GABPB1: variants seen among roughly 807,000 people sequenced by gnomAD.
The protein encoded by GABPB1 is GA binding protein transcription factor subunit beta 1, also known as GA-binding protein subunit beta-1.
Under a neutral mutation model 45.9 loss-of-function variants are expected in GABPB1, and 15 were observed. That is an observed-to-expected ratio of 0.33 (90% CI 0.22 to 0.50). GABPB1 has a LOEUF of 0.50. GABPB1 is among the 20% of genes least tolerant of loss of function. GABPB1 has a pLI of 0.98. For missense variants in GABPB1, 252 were observed against 457.5 expected, an observed-to-expected ratio of 0.55 and a Z score of 4.10; for synonymous variants, 143 against 154.4, an observed-to-expected ratio of 0.93 and a Z score of 0.55.
At chr15:50,287,863 C>T (rs1188756083) in intron 7 of GABPB1, among the ~76,000 whole-genome samples, 1 of 152,178 alleles carries the variant, frequency 6.6e-6, no homozygotes, top group East Asian at 1.9e-4. Flanking sequence ...GGCCTCCAGG[C>T]TTCAGAGGTC....
intron 7 of GABPB1, 112 bp downstream of exon 7, chr15:50,289,371 T>C (rs2046269658): frequency 2.9e-6 from 2 of 697,920 alleles, no homozygotes; most frequent in Admixed American, 3.3e-5. Flanking sequence ...ATACCACAAT[T>C]TCCTGAGAAT....
intron 1 of GABPB1, among the ~76,000 whole-genome samples, chr15:50,320,107 G>A (rs1007028395): frequency 6.6e-6 from 1 of 152,106 alleles, no homozygotes; most frequent in Admixed American, 6.6e-5. Flanking sequence ...ACACAAAAAG[G>A]GGATCATACT....
At chr15:50,283,283 G>A (rs1416391535) in intron 8 of GABPB1, among the ~76,000 whole-genome samples, 5 of 151,768 alleles carry the variant, frequency 3.3e-5, no homozygotes, top group African/African-American at 1.2e-4. Context: ...TATCTTCAAT[G>A]CGGTAATAAA....
chr15:50,279,296 T>C (rs2045904014), intron 8 of GABPB1, among the ~76,000 whole-genome samples: 1 of 152,160 alleles, frequency 6.6e-6, no homozygotes, highest in Non-Finnish European at 1.5e-5. Context: ...ATGATGTAGC[T>C]CTCCCAAGGT....
At chr15:50,293,010 T>C (rs139932079) in intron 6 of GABPB1, among the ~76,000 whole-genome samples, 6 of 152,118 alleles carry the variant, frequency 3.9e-5, no homozygotes, top group Admixed American at 3.9e-4. Context: ...AAATTATAAC[T>C]AGTTCAAAAA....
intron 1 of GABPB1, chr15:50,349,622 G>A (rs1384968282): frequency 1.3e-5 from 2 of 152,140 alleles, no homozygotes; most frequent in Admixed American, 6.5e-5. Context: ...TGGTAGGAGT[G>A]ATATGTTTCT....
intron 1 of GABPB1, among the ~76,000 whole-genome samples, chr15:50,339,361 T>C (rs1051743187): frequency 6.6e-6 from 1 of 151,838 alleles, no homozygotes; most frequent in East Asian, 1.9e-4. Flanking sequence ...TAACCAGGTA[T>C]GGTGGAAGGC....
chr15:50,301,691 G>A (rs1186115589), intron 4 of GABPB1, among the ~76,000 whole-genome samples: 1 of 152,184 alleles, frequency 6.6e-6, no homozygotes, highest in African/African-American at 2.4e-5. Flanking sequence ...TATTCAGGGG[G>A]CTGAGGCAGA....
Position 50,276,186 on chromosome 15 carries a change from A to G in GABPB1, c.*2446T>C, listed in dbSNP as rs2045836662. 6.6e-6 allele frequency: 1 copy of G among 152,248 alleles called. No individual in the cohort carries two copies. Among genetic ancestry groups the G allele is most frequent in the African/African-American group, 2.4e-5 (1 of 41,474 alleles). 9.4% of individuals were successfully genotyped at this position (152,248 alleles called of 1,614,324 possible). On this transcript the variant is annotated 3_prime_UTR_variant, in exon 9 of 9. Transcript: ENST00000380877. ...GCTAACTACAAATCCATCACTATGTAGTGGAAACAATTATGTGGATTTCTG... is the reference window on the plus strand; with the variant it reads ...GCTAACTACAAATCCATCACTATGTGGTGGAAACAATTATGTGGATTTCTG...
intron 1 of GABPB1, among the ~76,000 whole-genome samples, chr15:50,332,028 T>C (rs2047966194): frequency 6.6e-6 from 1 of 151,946 alleles, no homozygotes. Flanking sequence ...GCATGCACCA[T>C]CACACTCTGC....
chr15:50,326,562 TGAGG>T (rs1339387028), intron 1 of GABPB1, among the ~76,000 whole-genome samples: 9 of 151,834 alleles, frequency 5.9e-5, no homozygotes, highest in Non-Finnish European at 1.0e-4. Context: ...CTGGGGAGGC[TGAGG>T]CAGGAGAATC....
chr15:50,350,732 AG>A (rs2048787970), intron 1 of GABPB1: 1 of 152,152 alleles, frequency 6.6e-6, no homozygotes, highest in Admixed American at 6.5e-5. Context: ...GTCAGTGAAC[AG>A]GAACAGCCTA....
chr15:50,345,792 A>G (rs1359581766), intron 1 of GABPB1, among the ~76,000 whole-genome samples: 1 of 151,870 alleles, frequency 6.6e-6, no homozygotes, highest in Non-Finnish European at 1.5e-5. Context: ...GCTCACTGCA[A>G]GCTCCGCCTC....
At chr15:50,335,803 G>C (rs1282402600) in intron 1 of GABPB1, among the ~76,000 whole-genome samples, 2 of 149,836 alleles carry the variant, frequency 1.3e-5, no homozygotes, top group East Asian at 2.0e-4. Flanking sequence ...GGCTGAGGCA[G>C]GAGAATCACT....
chr15:50,332,890 C>T (rs2047994635), intron 1 of GABPB1, among the ~76,000 whole-genome samples: 2 of 152,044 alleles, frequency 1.3e-5, no homozygotes, highest in African/African-American at 4.8e-5. Flanking sequence ...CATTTTCATT[C>T]TCTAAATATG....
At chr15:50,311,439 G>A (rs992547686) in intron 1 of GABPB1, among the ~76,000 whole-genome samples, 1 of 152,128 alleles carries the variant, frequency 6.6e-6, no homozygotes, top group Non-Finnish European at 1.5e-5. Context: ...TATAAAGAGA[G>A]TAATGGCAGG....
chr15:50,284,959 G>A (rs138745350), intron 8 of GABPB1, among the ~76,000 whole-genome samples: 3 of 152,020 alleles, frequency 2.0e-5, no homozygotes, highest in East Asian at 1.9e-4. Context: ...CAAATATTCC[G>A]GTTTAACCAA....
In GABPB1 at chr15:50,354,538, G is replaced by C. The variant is rs572259026; in HGVS notation, c.-1+447C>G. 4.6e-4 allele frequency: 208 copies of C among 448,206 alleles called. 1 individual carries two copies. Among genetic ancestry groups the C allele is most frequent in the South Asian group, 5.6e-4 (36 of 63,774 alleles). 27.8% of individuals were successfully genotyped at this position (448,206 alleles called of 1,614,324 possible). ...CGAGACAAAGGGTACCGCGGCGCCAGAGGCCGAGGCCCAGCCGCGCCTGCC... is the reference window on the plus strand; with the variant it reads ...CGAGACAAAGGGTACCGCGGCGCCACAGGCCGAGGCCCAGCCGCGCCTGCC... On this transcript the variant is annotated intron_variant, in intron 1 of 8. Coordinates refer to ENST00000380877, the MANE Select transcript of GABPB1 (RefSeq NM_016654.5).
At chr15:50,281,813 C>T (rs1005135384) in intron 8 of GABPB1, among the ~76,000 whole-genome samples, 1 of 152,088 alleles carries the variant, frequency 6.6e-6, no homozygotes, top group African/African-American at 2.4e-5. Flanking sequence ...GAGATATAGA[C>T]TGGGTGCTGG....
Sources: gnomAD v4.1 joint callset for allele counts (sites outside exome capture counted in the v4.1 genomes callset) on GRCh38, gnomAD v4.1.1 for gene constraint, MANE v1.5 for transcripts, NCBI Gene and HGNC (gene_info 2026-07-23, HGNC 2026-07-21) for gene names.